Variants in MRPL1 observed in about 807,000 individuals in gnomAD.
MRPL1 encodes the protein mitochondrial ribosomal protein L1.
MRPL1 carries 28 observed loss-of-function variants against 38.0 expected under a neutral mutation model. The ratio of observed to expected loss-of-function variants is 0.74; its 90% CI spans 0.55 to 1.01. MRPL1 has a LOEUF of 1.01. Among genes scored for constraint, MRPL1 ranks in the 50% least tolerant of loss-of-function variants. The pLI is 0.00. For missense variants in MRPL1, 358 were observed against 389.8 expected, an observed-to-expected ratio of 0.92 and a Z score of 0.69; for synonymous variants, 123 against 126.7, an observed-to-expected ratio of 0.97 and a Z score of 0.20.
chr4:77,913,417 T>C (rs1354536845), intron 7 of MRPL1, among the ~76,000 whole-genome samples: 1 of 152,184 alleles, frequency 6.6e-6, no homozygotes, highest in Non-Finnish European at 1.5e-5. Flanking sequence ...CTTTAATCTT[T>C]AGGAAATGTA....
chr4:77,885,238 T>C lies in MRPL1; in HGVS notation c.403-18T>C, dbSNP rs749468127. 1.9e-6 allele frequency: 3 copies of C among 1,572,232 alleles called. No homozygotes were observed. Among genetic ancestry groups the C allele is most frequent in the South Asian group, 2.2e-5 (2 of 90,224 alleles). ...AAGATTAACTTTACGTAATTATTTT[T>C]CCTTGTCATGTGTTTAGAAAAACGT... On this transcript the variant is annotated intron_variant, in intron 3 of 8. Transcript: ENST00000315567.
At chr4:77,880,644 G>T (rs1202521418) in intron 2 of MRPL1, among the ~76,000 whole-genome samples, 2 of 152,058 alleles carry the variant, frequency 1.3e-5, no homozygotes, top group Admixed American at 6.6e-5. Flanking sequence ...AACTTTTATG[G>T]TTAGAAGAGT....
At chr4:77,934,961 G>GGTA (rs1450763913) in intron 7 of MRPL1, among the ~76,000 whole-genome samples, 1 of 152,184 alleles carries the variant, frequency 6.6e-6, no homozygotes, top group Non-Finnish European at 1.5e-5. Context: ...ACTTGTATAA[G>GGTA]GTACCTATAA....
chr4:77,868,209 C>T (rs561178952), intron 1 of MRPL1, among the ~76,000 whole-genome samples: 7 of 151,944 alleles, frequency 4.6e-5, no homozygotes, highest in Non-Finnish European at 5.9e-5. Context: ...ACTACAGGCA[C>T]GTGTCACCAT....
intron 1 of MRPL1, among the ~76,000 whole-genome samples, chr4:77,871,107 G>C (rs1275420139): frequency 1.3e-5 from 2 of 152,060 alleles, no homozygotes; most frequent in Non-Finnish European, 1.5e-5. Context: ...GAAAACCCCA[G>C]AGCCTTGAGA....
chr4:77,892,226 G>C (rs1003443220), intron 5 of MRPL1, among the ~76,000 whole-genome samples: 3 of 151,900 alleles, frequency 2.0e-5, no homozygotes, highest in Non-Finnish European at 2.9e-5. Flanking sequence ...CCACCTCCCG[G>C]GTTCAAGCAA....
At chr4:77,946,393 T>G (rs1185410770) in intron 7 of MRPL1, among the ~76,000 whole-genome samples, 2 of 152,158 alleles carry the variant, frequency 1.3e-5, no homozygotes, top group Non-Finnish European at 2.9e-5. Context: ...AATCAATTTG[T>G]ACAGTTAATG....
chr4:77,877,354 G>A (rs1735421625), intron 2 of MRPL1, among the ~76,000 whole-genome samples: 1 of 152,100 alleles, frequency 6.6e-6, no homozygotes, highest in Non-Finnish European at 1.5e-5. Flanking sequence ...GCTAGGTTTT[G>A]GTTTTGTTGT....
chr4:77,906,836 A>G (rs62302723), intron 6 of MRPL1: 5 of 348,110 alleles, frequency 1.4e-5, no homozygotes, highest in South Asian at 2.3e-4. Context: ...GTTTACTAGT[A>G]TACAATTTTA....
intron 1 of MRPL1, among the ~76,000 whole-genome samples, chr4:77,863,986 A>T (rs1735067116): frequency 6.8e-6 from 1 of 146,122 alleles, no homozygotes; most frequent in African/African-American, 2.6e-5. Context: ...ATGTATATTT[A>T]ACACTGCATC....
chr4:77,932,453 A>G (rs1217597553), intron 7 of MRPL1, among the ~76,000 whole-genome samples: 1 of 152,170 alleles, frequency 6.6e-6, no homozygotes. Flanking sequence ...GGTTTGAGAT[A>G]GCTTCAAATC....
chr4:77,929,331 T>G lies in MRPL1; in HGVS notation c.777+19959T>G, dbSNP rs560000610. Among the ~76,000 whole-genome samples, 89 of 152,314 alleles carry G rather than the reference T, an allele frequency of 5.8e-4. 1 individual carries two copies. Among genetic ancestry groups the G allele is most frequent in the African/African-American group, 1.9e-3 (81 of 41,586 alleles). On this transcript the variant is annotated intron_variant, in intron 7 of 8. Coordinates refer to ENST00000315567, the MANE Select transcript of MRPL1 (RefSeq NM_020236.4). ...GATAAATATGATAGCATTTACTGAA[T>G]TCTGTCTTTATCCAAATGCCTGGAG... is the stretch of plus-strand genomic sequence containing the variant.
intron 7 of MRPL1, among the ~76,000 whole-genome samples, chr4:77,926,889 G>A (rs542266453): frequency 6.6e-6 from 1 of 152,124 alleles, no homozygotes; most frequent in Admixed American, 6.5e-5. Context: ...GATTTCGGGC[G>A]TGAGCTGCCT....
At chr4:77,866,373 T>G (rs1289095335) in intron 1 of MRPL1, among the ~76,000 whole-genome samples, 1 of 152,250 alleles carries the variant, frequency 6.6e-6, no homozygotes. Flanking sequence ...CATTGATAAT[T>G]TAATAATACT....
chr4:77,894,403 TC>T (rs912504793), intron 6 of MRPL1, among the ~76,000 whole-genome samples, 153 bp downstream of exon 6: 8 of 152,058 alleles, frequency 5.3e-5, no homozygotes, highest in Non-Finnish European at 1.0e-4. Flanking sequence ...TTGATTTTTT[TC>T]CCCCGCTTTG....
intron 6 of MRPL1, among the ~76,000 whole-genome samples, chr4:77,903,883 T>A (rs1560466458): frequency 6.7e-6 from 1 of 148,718 alleles, no homozygotes; most frequent in Non-Finnish European, 1.5e-5. Context: ...CAGAAAGCTT[T>A]AAAAAAAAAA....
chr4:77,894,169 T>G lies in MRPL1; in HGVS notation c.589T>G (p.Tyr197Asp). The change falls in exon 6 of 9, where the codon TAC (tyrosine) becomes GAC (aspartate). Residue 197 changes from tyrosine (Y) to aspartate (D), a missense_variant. Coordinates refer to ENST00000315567, the MANE Select transcript of MRPL1 (RefSeq NM_020236.4). ...IWDDEIVADF[Y>D]VAVPEIMPEL... ...GGATGATGAAATTGTTGCAGACTTTTACGTAGCTGTTCCAGAAATAATGCC... is the reference window on the plus strand; with the variant it reads ...GGATGATGAAATTGTTGCAGACTTTGACGTAGCTGTTCCAGAAATAATGCC... 1 of 1,607,408 alleles carries G rather than the reference T, an allele frequency of 6.2e-7. No individual in the cohort carries two copies. Among genetic ancestry groups the G allele is most frequent in the Non-Finnish European group, 8.5e-7 (1 of 1,176,938 alleles).
At chr4:77,942,287 GATCT>G (rs1238437667) in intron 7 of MRPL1, among the ~76,000 whole-genome samples, 2 of 152,094 alleles carry the variant, frequency 1.3e-5, no homozygotes, top group Non-Finnish European at 2.9e-5. Flanking sequence ...CCTATCCTAT[GATCT>G]ATCTTGGAGA....
intron 7 of MRPL1, among the ~76,000 whole-genome samples, chr4:77,914,139 A>G (rs2110250338): frequency 6.6e-6 from 1 of 152,366 alleles, no homozygotes; most frequent in East Asian, 1.9e-4. Flanking sequence ...AGCAATAAAA[A>G]AGAATAAACT....
Sources: allele counts gnomAD v4.1 joint callset (sites outside exome capture counted in the v4.1 genomes callset), GRCh38; gene constraint gnomAD v4.1.1; transcripts MANE v1.5; gene names NCBI Gene and HGNC (gene_info 2026-07-23, HGNC 2026-07-21).